The following NSD3 variants were observed in gnomAD, a reference collection of about 807,000 sequenced individuals.
NSD3 encodes the protein histone-lysine N-methyltransferase NSD3.
In NSD3, 24 loss-of-function variants were observed where a neutral mutation model predicts 160.8. That is an observed-to-expected ratio of 0.15 (90% CI 0.11 to 0.21). The LOEUF (loss-of-function observed/expected upper bound fraction) is 0.21. NSD3 is among the 10% of genes least tolerant of loss of function. NSD3 has a pLI of 1.00. For synonymous variants in NSD3, 520 were observed against 600.0 expected, an observed-to-expected ratio of 0.87 and a Z score of 1.95; for missense variants, 1,157 against 1,735.9, an observed-to-expected ratio of 0.67 and a Z score of 5.93.
At chr8:38,278,229 C>T (rs372577738) in intron 22 of NSD3, 77 bp downstream of exon 22, 171 of 1,341,522 alleles carry the variant, frequency 1.3e-4, no homozygotes, top group Non-Finnish European at 1.6e-4. Flanking sequence ...TGAGCCACCG[C>T]GCCCGGCCAA....
At chr8:38,359,667 A>C (rs1030392630) in intron 1 of NSD3, among the ~76,000 whole-genome samples, 1 of 152,266 alleles carries the variant, frequency 6.6e-6, no homozygotes. Context: ...TACAGACAAA[A>C]GCAATAACCA....
Position 38,288,377 on chromosome 8 carries a change from A to G in NSD3, c.3501+110T>C. On this transcript the variant is annotated intron_variant, in intron 19 of 23. Coordinates refer to ENST00000317025, the MANE Select transcript of NSD3 (RefSeq NM_023034.2). This position sits in a 1 kb window ranked among gnomAD's most constrained non-coding sequence, Gnocchi z 4.5. ...AACTCTCAACATGGAAAGTTTTAAC[A>G]TTTTACCACAAATTCCTGCTGATTT... 1 of 1,453,976 alleles carries G rather than the reference A, an allele frequency of 6.9e-7. No individual in the cohort carries two copies. Among genetic ancestry groups the G allele is most frequent in the Non-Finnish European group, 9.2e-7 (1 of 1,083,478 alleles). 90.1% of individuals were successfully genotyped at this position (1,453,976 alleles called of 1,614,324 possible). A position where few individuals can be genotyped will look rare whatever the true frequency, so the allele number is the denominator to read the frequency against.
At chr8:38,313,529 T>A in intron 12 of NSD3, among the ~76,000 whole-genome samples, 1 of 147,984 alleles carries the variant, frequency 6.8e-6, no homozygotes, top group Middle Eastern at 3.5e-3. Flanking sequence ...AGTGTTCAGT[T>A]AAAAAAAAAA....
At position 38,319,764 on chromosome 8, in the gene NSD3, A is replaced by C. The variant is rs1052256886; in HGVS notation, c.1810-824T>G. ...ATTTAAGGATTGTTCTAAGCTTTTTAAAAAAAATTTTATTTTTTTTACAAC... is the reference window on the plus strand; with the variant it reads ...ATTTAAGGATTGTTCTAAGCTTTTTCAAAAAAATTTTATTTTTTTTACAAC... On this transcript the variant is annotated intron_variant, in intron 8 of 23. Transcript: ENST00000317025. The surrounding 1 kb of genome is among the most constrained non-coding windows in gnomAD (Gnocchi z 4.1). 1 of 152,142 alleles carries C rather than the reference A, an allele frequency of 6.6e-6. No individual in the cohort carries two copies. The highest frequency in any genetic ancestry group is 1.5e-5 in the Non-Finnish European group (1 of 68,024). The allele number at this position is 152,142 out of a possible 1,614,324, so 9.4% of individuals were successfully genotyped here.
intron 10 of NSD3, 124 bp downstream of exon 10, chr8:38,315,788 C>T: frequency 5.0e-6 from 7 of 1,404,986 alleles, no homozygotes; most frequent in Non-Finnish European, 6.7e-6. Context: ...TTAAGACACT[C>T]AAAATAAACA....
At chr8:38,325,611 C>T (rs1316878448) in intron 7 of NSD3, among the ~76,000 whole-genome samples, 1 of 152,218 alleles carries the variant, frequency 6.6e-6, no homozygotes, top group African/African-American at 2.4e-5. Flanking sequence ...ATGGCTCACG[C>T]CTATAATCCC....
chr8:38,299,401 G>T (rs778373147), intron 15 of NSD3, 43 bp downstream of exon 15: 32 of 1,579,514 alleles, frequency 2.0e-5, no homozygotes, highest in Non-Finnish European at 2.7e-5. Flanking sequence ...AAAAAAATAG[G>T]AAATGCAAAA....
chr8:38,313,766 C>A lies in NSD3; in HGVS notation c.2242+881G>T, dbSNP rs532948484. Reference sequence around the variant, plus strand: ...TTGTGCCACTGCACTCCAGCCTGGGCGACAGAGCGAGACTCTGTCTCAAAA... The same window carrying A: ...TTGTGCCACTGCACTCCAGCCTGGGAGACAGAGCGAGACTCTGTCTCAAAA... On this transcript the variant is annotated intron_variant, in intron 12 of 23. Coordinates refer to ENST00000317025, the MANE Select transcript of NSD3 (RefSeq NM_023034.2). 2.2e-4 allele frequency among the ~76,000 whole-genome samples: 31 copies of A among 139,340 alleles called. 1 individual carries two copies. The South Asian group carries it at 5.3e-3, about 24-fold the overall frequency. 91.4% of individuals were successfully genotyped at this position (139,340 alleles called of 152,430 possible). A position where few individuals can be genotyped will look rare whatever the true frequency, so the allele number is the denominator to read the frequency against.
Position 38,278,411 on chromosome 8 carries a change from C to T in NSD3, c.3762G>A (p.Gly1254=). Residue 1254 remains glycine, a splice_region_variant and synonymous_variant, in exon 22 of 24, where the codon GGG becomes GGA. Transcript: ENST00000317025. ...GGTTATAATTAAATGTTAACTCCAT[C>T]CCTGAAACACAGGAGAAATAATTAT... ...GLFALCDIPA[G]MELTFNYNLD... The T allele has an allele frequency of 6.2e-7, 1 of 1,609,834 alleles. No homozygotes were observed. Among genetic ancestry groups the T allele is most frequent in the South Asian group, 1.1e-5 (1 of 90,336 alleles).
In NSD3 at chr8:38,288,699, G is replaced by C; in HGVS notation, c.3289C>G (p.Arg1097Gly). 6.2e-7 allele frequency: 1 copy of C among 1,614,146 alleles called. No individual in the cohort carries two copies. Among genetic ancestry groups the C allele is most frequent in the Non-Finnish European group, 8.5e-7 (1 of 1,180,036 alleles). Residue 1097 changes from arginine to glycine, a missense_variant, in exon 19 of 24, where the codon CGC (arginine) becomes GGC (glycine). Physicochemically the swap from Arg to Gly is moderately radical, Grantham distance 125. Coordinates refer to ENST00000317025, the MANE Select transcript of NSD3 (RefSeq NM_023034.2). The surrounding 1 kb of genome is among the most constrained non-coding windows in gnomAD (Gnocchi z 4.5). ...IQVADLSEIP[R>G]CNCKPADENP... ...TCATCAGCTGGCTTGCAGTTACAGC[G>C]GGGAATCTCTGACAGGTCAGCAACC...
intron 1 of NSD3, among the ~76,000 whole-genome samples, chr8:38,368,595 A>G (rs73674153): frequency 0.032 from 4,894 of 152,180 alleles, 262 homozygotes; most frequent in African/African-American, 0.11. Context: ...GTGGCTTTGT[A>G]GTTCATATTT....
chr8:38,336,669 C>T (rs1222718696), intron 4 of NSD3, among the ~76,000 whole-genome samples: 1 of 152,094 alleles, frequency 6.6e-6, no homozygotes, highest in Non-Finnish European at 1.5e-5. Context: ...GATCGCTTGT[C>T]CATATGCTTT....
At chr8:38,276,177 T>G in intron 23 of NSD3, 119 bp downstream of exon 23, 1 of 1,200,194 alleles carries the variant, frequency 8.3e-7, no homozygotes, top group African/African-American at 1.5e-5. Context: ...GCCAGCGTAA[T>G]TTTTCGCTAT....
rs1048392356 is a variant in NSD3 at position 38,274,183 on chromosome 8, T to C, written c.*1458A>G. 1 of 152,250 alleles carries C rather than the reference T, an allele frequency of 6.6e-6. No homozygotes were observed. The highest frequency in any genetic ancestry group is 2.4e-5 in the African/African-American group (1 of 41,474). 9.4% of individuals were successfully genotyped at this position (152,250 alleles called of 1,614,324 possible). On this transcript the variant is annotated 3_prime_UTR_variant, in exon 24 of 24. Coordinates refer to ENST00000317025, the MANE Select transcript of NSD3 (RefSeq NM_023034.2). ...TTCATTCAAGCTAACCCTAGACTTC[T>C]ACTTAGTACAGTGTTACAACAATGT...
At chr8:38,351,087 T>A (rs916811124) in intron 1 of NSD3, among the ~76,000 whole-genome samples, 3 of 150,920 alleles carry the variant, frequency 2.0e-5, no homozygotes, top group Non-Finnish European at 4.4e-5. Flanking sequence ...TTCTCCTGCC[T>A]CAGCCTCCCG....
intron 14 of NSD3, 34 bp downstream of exon 14, chr8:38,304,553 C>A (rs759632304): frequency 8.2e-6 from 13 of 1,586,064 alleles, no homozygotes; most frequent in Middle Eastern, 1.8e-4. Context: ...CCAATGACCT[C>A]AAAAATAAAT....
intron 8 of NSD3, 148 bp downstream of exon 8, chr8:38,320,924 G>A (rs1195532163): frequency 3.2e-6 from 2 of 630,516 alleles, no homozygotes; most frequent in Non-Finnish European, 5.3e-6. Flanking sequence ...TTAAAACTGA[G>A]CACTGGAACC....
At position 38,319,602 on chromosome 8, in the gene NSD3, C is replaced by T. The variant is rs1264924617; in HGVS notation, c.1810-662G>A. On this transcript the variant is annotated intron_variant, in intron 8 of 23. Coordinates refer to ENST00000317025, the MANE Select transcript of NSD3 (RefSeq NM_023034.2). The surrounding 1 kb of genome is among the most constrained non-coding windows in gnomAD (Gnocchi z 4.1). ...ATTCTGCCAATGTATATGTAAAACA[C>T]GTGGTAATTTGAGGATTGAACCATT... Among the ~76,000 whole-genome samples the T allele has an allele frequency of 6.6e-6, 1 of 152,082 alleles. No homozygotes were observed. The highest frequency in any genetic ancestry group is 2.4e-5 in the African/African-American group (1 of 41,394).
intron 1 of NSD3, among the ~76,000 whole-genome samples, chr8:38,365,979 C>A (rs1028064642): frequency 5.9e-5 from 9 of 151,472 alleles, no homozygotes; most frequent in African/African-American, 2.2e-4. Context: ...ATAACTGATC[C>A]AAAATATACT....
Sources: gnomAD v4.1 joint callset for allele counts (sites outside exome capture counted in the v4.1 genomes callset) on GRCh38, gnomAD v4.1.1 for gene constraint, Gnocchi (gnomAD v3.1) non-coding constraint, MANE v1.5 for transcripts, NCBI Gene and HGNC (gene_info 2026-07-23, HGNC 2026-07-21) for gene names.